TECPR2: variants seen among roughly 807,000 people sequenced by gnomAD.
TECPR2 encodes tectonin beta-propeller repeat-containing protein 2.
TECPR2 carries 65 observed loss-of-function variants against 138.1 expected under a neutral mutation model. The observed-to-expected ratio is 0.47, with a 90% CI of 0.39 to 0.58. TECPR2 has a LOEUF of 0.58. Among genes scored for constraint, TECPR2 ranks in the 20% least tolerant of loss-of-function variants. The probability of loss-of-function intolerance (pLI) is 0.00; values close to 1 mark genes in which losing one functional copy is unlikely to be tolerated. For synonymous variants in TECPR2, 746 were observed against 749.8 expected (o/e 0.99, Z 0.08); for missense variants, 1,553 against 1,824.5 (o/e 0.85, Z 2.71).
chr14:102,368,417 G>A (rs1391190700), intron 1 of TECPR2, among the ~76,000 whole-genome samples: 4 of 152,120 alleles, frequency 2.6e-5, no homozygotes, highest in Admixed American at 6.6e-5. Context: ...TGTTGATCAG[G>A]CTGGTCTCAA....
At chr14:102,425,783 T>G (rs775141592) in intron 6 of TECPR2, among the ~76,000 whole-genome samples, 1 of 149,190 alleles carries the variant, frequency 6.7e-6, no homozygotes, top group African/African-American at 2.5e-5. Context: ...ACAATGTTGG[T>G]CAGGCTGGTC....
chr14:102,448,153 G>C (rs952991997), intron 13 of TECPR2, among the ~76,000 whole-genome samples: 1 of 151,870 alleles, frequency 6.6e-6, no homozygotes, highest in African/African-American at 2.4e-5. Context: ...TAGAGACAGG[G>C]TTTCACCATG....
chr14:102,410,571 C>T (rs1164345414), intron 4 of TECPR2, among the ~76,000 whole-genome samples: 1 of 151,550 alleles, frequency 6.6e-6, no homozygotes. Flanking sequence ...TACCACTTTC[C>T]CTTCTCAGAA....
At chr14:102,388,389 G>A (rs1245046439) in intron 2 of TECPR2, among the ~76,000 whole-genome samples, 1 of 151,852 alleles carries the variant, frequency 6.6e-6, no homozygotes, top group Non-Finnish European at 1.5e-5. Flanking sequence ...TTTTTTTTTA[G>A]TGTTAATTTA....
chr14:102,498,022 C>CTCCCAAGCTCCCAGCTCCATCTGT, intron 19 of TECPR2, 81 bp from the exon 20 acceptor site: 3 of 1,510,190 alleles, frequency 2.0e-6, no homozygotes, highest in Non-Finnish European at 2.7e-6. Flanking sequence ...CCCAGACCTG[C>CTCCCAAGCTCCCAGCTCCATCTGT]GCCCAAGCTC....
At chr14:102,397,960 C>T (rs1178777378) in intron 2 of TECPR2, among the ~76,000 whole-genome samples, 1 of 150,616 alleles carries the variant, frequency 6.6e-6, no homozygotes, top group Middle Eastern at 3.2e-3. Flanking sequence ...GTAGTCTCAG[C>T]TACTCAGGAG....
intron 17 of TECPR2, among the ~76,000 whole-genome samples, chr14:102,487,524 C>T (rs1891055084): frequency 6.6e-6 from 1 of 152,188 alleles, no homozygotes; most frequent in African/African-American, 2.4e-5. Context: ...GCCCCAGACA[C>T]TTGTGTTTTC....
chr14:102,411,699 C>CAGAAAAAAA (rs1888872027), intron 4 of TECPR2, among the ~76,000 whole-genome samples: 3 of 46,874 alleles, frequency 6.4e-5, no homozygotes, highest in Non-Finnish European at 6.5e-5. Context: ...CCATGTTGCT[C>CAGAAAAAAA]AAAAAAAAAA....
chr14:102,471,069 G>A (rs1024940267), intron 17 of TECPR2, among the ~76,000 whole-genome samples: 5 of 151,732 alleles, frequency 3.3e-5, no homozygotes, highest in African/African-American at 1.2e-4. Flanking sequence ...CACCTGCCTC[G>A]GCCTCCCAAA....
chr14:102,379,034 G>A (rs779018396), intron 2 of TECPR2, among the ~76,000 whole-genome samples: 22 of 152,124 alleles, frequency 1.4e-4, no homozygotes, highest in Non-Finnish European at 3.2e-4. Context: ...AAACCATTAC[G>A]TAATCTTTCA....
intron 5 of TECPR2, among the ~76,000 whole-genome samples, chr14:102,422,336 C>A (rs534636798): frequency 6.6e-6 from 1 of 152,194 alleles, no homozygotes; most frequent in South Asian, 2.1e-4. Context: ...AGCAAAACAA[C>A]GTATAACAAA....
intron 2 of TECPR2, among the ~76,000 whole-genome samples, chr14:102,406,476 G>A (rs1358197180): frequency 6.6e-6 from 1 of 152,068 alleles, no homozygotes; most frequent in Non-Finnish European, 1.5e-5. Flanking sequence ...AACCCAGGAG[G>A]TGGAGGTTGC....
chr14:102,493,030 C>T (rs1266868141), intron 17 of TECPR2, among the ~76,000 whole-genome samples: 1 of 152,250 alleles, frequency 6.6e-6, no homozygotes, highest in African/African-American at 2.4e-5. Flanking sequence ...CGCCTGCCAC[C>T]GTGCTGCTTC....
chr14:102,383,658 T>C (rs1887902039), intron 2 of TECPR2, among the ~76,000 whole-genome samples: 1 of 152,100 alleles, frequency 6.6e-6, no homozygotes, highest in South Asian at 2.1e-4. Flanking sequence ...TCCACTTGCC[T>C]CGGCCTCCTA....
chr14:102,469,338 A>T (rs2139775584), intron 17 of TECPR2, among the ~76,000 whole-genome samples: 1 of 152,284 alleles, frequency 6.6e-6, no homozygotes. Flanking sequence ...CTTTGATACT[A>T]TTGTAAATGG....
chr14:102,480,846 T>TTC, intron 17 of TECPR2, among the ~76,000 whole-genome samples: 1 of 119,948 alleles, frequency 8.3e-6, no homozygotes, highest in Non-Finnish European at 1.7e-5. Flanking sequence ...TTTGGGTTTT[T>TTC]TTTTTTTTTT....
At chr14:102,403,345 A>G (rs561186842) in intron 2 of TECPR2, among the ~76,000 whole-genome samples, 1 of 152,356 alleles carries the variant, frequency 6.6e-6, no homozygotes, top group South Asian at 2.1e-4. Context: ...TTTTATGGTA[A>G]AAACACTCAA....
chr14:102,493,336 TG>T (rs1891198972), intron 17 of TECPR2, among the ~76,000 whole-genome samples: 1 of 151,550 alleles, frequency 6.6e-6, no homozygotes, highest in Non-Finnish European at 1.5e-5. Flanking sequence ...GCCTTCCGAG[TG>T]GGGAAGGCGG....
intron 2 of TECPR2, among the ~76,000 whole-genome samples, chr14:102,388,804 AT>A (rs2139672281): frequency 6.6e-6 from 1 of 152,146 alleles, no homozygotes; most frequent in South Asian, 2.1e-4. Flanking sequence ...TACTAAAAAT[AT>A]AAAAAATTAG....
Sources: allele counts gnomAD v4.1 joint callset (sites outside exome capture counted in the v4.1 genomes callset), GRCh38; gene constraint gnomAD v4.1.1; transcripts MANE v1.5; gene names NCBI Gene and HGNC (gene_info 2026-07-23, HGNC 2026-07-21).